Variants in IDO1 observed in about 807,000 individuals in gnomAD.
IDO1 encodes indoleamine 2,3-dioxygenase 1.
Under a neutral mutation model 38.8 loss-of-function variants are expected in IDO1, and 35 were observed. The ratio of observed to expected loss-of-function variants is 0.90; its 90% CI spans 0.69 to 1.20. The LOEUF (loss-of-function observed/expected upper bound fraction) is 1.20, where lower values mean the gene tolerates loss of function less well. Among genes scored for constraint, IDO1 ranks in the 50% most tolerant of loss-of-function variants. The probability of loss-of-function intolerance (pLI) is 0.00; values close to 1 mark genes in which losing one functional copy is unlikely to be tolerated. For missense variants in IDO1, 509 were observed against 485.1 expected (o/e 1.05, Z -0.46); for synonymous variants, 171 against 170.0 (o/e 1.01, Z -0.05).
intron 1 of IDO1, among the ~76,000 whole-genome samples, chr8:39,916,409 C>T (rs1807175910): frequency 6.6e-6 from 1 of 151,736 alleles, no homozygotes; most frequent in South Asian, 2.1e-4. Context: ...ACCTGGGAGG[C>T]GGAGGTTACA....
chr8:39,925,319 CGT>C lies in IDO1; in HGVS notation c.805_806del (p.Val269LeufsTer5), dbSNP rs768812233. On this transcript the variant is annotated frameshift_variant, in exon 9 of 10. Coordinates refer to ENST00000518237, the MANE Select transcript of IDO1 (RefSeq NM_002164.6). LOFTEE classifies it high-confidence loss of function. ...FAGGSAGQSS[V>X]FQCFDVLLGI... Reference sequence around the variant, plus strand: ...CAGGGGGCAGTGCAGGCCAAAGCAGCGTCTTTCAGTGCTTTGACGTCCTGCTG... The same window carrying C: ...CAGGGGGCAGTGCAGGCCAAAGCAGCCTTTCAGTGCTTTGACGTCCTGCTG... 6.2e-7 allele frequency: 1 copy of C among 1,613,074 alleles called. No individual in the cohort carries two copies. The highest frequency in any genetic ancestry group is 2.2e-5 in the East Asian group (1 of 44,872).
At chr8:39,914,738 C>A (rs1228771178) in intron 1 of IDO1, among the ~76,000 whole-genome samples, 1 of 151,894 alleles carries the variant, frequency 6.6e-6, no homozygotes, top group Non-Finnish European at 1.5e-5. Flanking sequence ...CATAGCCATC[C>A]CAAAAGTTAT....
In IDO1 at chr8:39,918,466, T is replaced by A. The variant is rs1807213573; in HGVS notation, c.303+259T>A. The A allele has an allele frequency of 6.1e-6, 3 of 493,458 alleles. No individual in the cohort carries two copies. In the Admixed American group the frequency reaches 1.1e-4, roughly 18 times the overall value. The allele number at this position is 493,458 out of a possible 1,614,324, so 30.6% of individuals were successfully genotyped here. On this transcript the variant is annotated intron_variant, in intron 3 of 9. Coordinates refer to ENST00000518237, the MANE Select transcript of IDO1 (RefSeq NM_002164.6). ...CATAAAACTAATACAGACTGCAATA[T>A]CTAACCTTTAAAACACACATGGGCC...
At chr8:39,926,822 C>T (rs900758618) in intron 9 of IDO1, among the ~76,000 whole-genome samples, 3 of 152,170 alleles carry the variant, frequency 2.0e-5, no homozygotes, top group African/African-American at 7.2e-5. Context: ...GGTAGTTTTT[C>T]AACCTTTGCT....
intron 9 of IDO1, among the ~76,000 whole-genome samples, chr8:39,926,103 C>T (rs909935742): frequency 4.6e-5 from 7 of 152,020 alleles, no homozygotes; most frequent in African/African-American, 1.2e-4. Flanking sequence ...AGGAGAATGG[C>T]GTGAACCCAG....
rs1267526115 is a variant in IDO1, at chr8:39,922,807, T to C, written c.537+156T>C. The C allele has an allele frequency of 9.5e-6, 6 of 633,076 alleles. No individual in the cohort carries two copies. In the African/African-American group the frequency reaches 1.1e-4, roughly 12 times the overall value. 39.2% of individuals were successfully genotyped at this position (633,076 alleles called of 1,614,324 possible). A position where few individuals can be genotyped will look rare whatever the true frequency, so the allele number is the denominator to read the frequency against. On this transcript the variant is annotated intron_variant, in intron 6 of 9. Transcript: ENST00000518237. ...GGGTAAAGGATCAATTATTTATTTTTGTGTATTACCTAAAATATAAAATCT... is the reference window on the plus strand; with the variant it reads ...GGGTAAAGGATCAATTATTTATTTTCGTGTATTACCTAAAATATAAAATCT...
In IDO1 at chr8:39,920,853, C is replaced by T. The variant is rs1386153630; in HGVS notation, c.437+739C>T. On this transcript the variant is annotated intron_variant, in intron 5 of 9. Transcript: ENST00000518237. ...CAAAAAAAAAAAAAAGATGGAAAAACTAAGGTAAATATCATCAGTATAAAC... is the reference window on the plus strand; with the variant it reads ...CAAAAAAAAAAAAAAGATGGAAAAATTAAGGTAAATATCATCAGTATAAAC... The T allele has an allele frequency of 4.6e-5, 7 of 150,628 alleles. No homozygotes were observed. The East Asian group carries it at 1.4e-3, about 29-fold the overall frequency. 9.3% of individuals were successfully genotyped at this position (150,628 alleles called of 1,614,324 possible). A position where few individuals can be genotyped will look rare whatever the true frequency, so the allele number is the denominator to read the frequency against.
chr8:39,927,720 G>A (rs2129592517), intron 9 of IDO1, 110 bp from the exon 10 acceptor site: 1 of 559,238 alleles, frequency 1.8e-6, no homozygotes, highest in South Asian at 3.8e-5. Flanking sequence ...CTTGACCTCA[G>A]TGAATGCTAT....
chr8:39,926,905 CA>C lies in IDO1; in HGVS notation c.857-923del, dbSNP rs544288942. ...TCCTATCTTTGTGTCCATGTGTACT[CA>C]ATATTTAACTCCCACTTATCGGTGA... On this transcript the variant is annotated intron_variant, in intron 9 of 9. Coordinates refer to ENST00000518237, the MANE Select transcript of IDO1 (RefSeq NM_002164.6). 2.3e-3 allele frequency among the ~76,000 whole-genome samples: 343 copies of C among 152,292 alleles called. 3 individuals carry two copies. The highest frequency in any genetic ancestry group is 7.7e-3 in the African/African-American group (321 of 41,560).
intron 1 of IDO1, among the ~76,000 whole-genome samples, chr8:39,915,174 A>G (rs1217945002): frequency 6.6e-6 from 1 of 152,224 alleles, no homozygotes; most frequent in African/African-American, 2.4e-5. Flanking sequence ...TATGAGCCTA[A>G]GCAGCCTGTC....
intron 9 of IDO1, among the ~76,000 whole-genome samples, chr8:39,925,612 G>A (rs375482871): frequency 1.6e-4 from 24 of 152,140 alleles, no homozygotes; most frequent in East Asian, 1.4e-3. Context: ...GGCCAGGTGC[G>A]GTGACTCAAG....
Position 39,918,116 on chromosome 8 carries a change from C to G in IDO1, c.212C>G (p.Thr71Arg), listed in dbSNP as rs1237179070. ...AACATGCTCAGCATTGATCATCTCA[C>G]AGACCACAAGTCACAGCGCCTTGCA... ...KLNMLSIDHLTDHKSQRLARL... is the reference protein window; with the variant it reads ...KLNMLSIDHLRDHKSQRLARL... The change falls in exon 3 of 10, where the codon ACA becomes AGA. Residue 71 changes from threonine to arginine, a missense_variant. Physicochemically the swap from Thr to Arg is moderately conservative, Grantham distance 71. Coordinates refer to ENST00000518237, the MANE Select transcript of IDO1 (RefSeq NM_002164.6). The G allele has an allele frequency of 6.2e-7, 1 of 1,614,002 alleles. No individual in the cohort carries two copies. Among genetic ancestry groups the G allele is most frequent in the Non-Finnish European group, 8.5e-7 (1 of 1,179,876 alleles).
intron 1 of IDO1, among the ~76,000 whole-genome samples, chr8:39,915,139 G>A (rs898397654): frequency 2.0e-5 from 3 of 152,162 alleles, no homozygotes; most frequent in Non-Finnish European, 4.4e-5. Flanking sequence ...ATCAAACTAT[G>A]TAGCTAGCAA....
Position 39,918,086 on chromosome 8 carries a change from A to G in IDO1, c.184-2A>G. The G allele has an allele frequency of 6.2e-7, 1 of 1,613,966 alleles. No homozygotes were observed. Among genetic ancestry groups the G allele is most frequent in the Non-Finnish European group, 8.5e-7 (1 of 1,179,848 alleles). ...TGAGTCAATTGCTCCATTTGTTTTC[A>G]GTTAAACATGCTCAGCATTGATCAT... On this transcript the variant is annotated splice_acceptor_variant, in intron 2 of 9. Transcript: ENST00000518237. LOFTEE classifies it high-confidence loss of function.
Position 39,919,115 on chromosome 8 carries a change from A to G in IDO1, c.422+182A>G, listed in dbSNP as rs904881739. The G allele has an allele frequency of 5.4e-6, 4 of 734,536 alleles. No individual in the cohort carries two copies. In the Admixed American group the frequency reaches 6.9e-5, roughly 13 times the overall value. The allele number at this position is 734,536 out of a possible 1,614,324, so 45.5% of individuals were successfully genotyped here. On this transcript the variant is annotated intron_variant, in intron 4 of 9. Coordinates refer to ENST00000518237, the MANE Select transcript of IDO1 (RefSeq NM_002164.6). ...TGTGTCTACCACTACAAATGTACAC[A>G]TATGTGACAGGTGTATAGTTAACAC... is the stretch of plus-strand genomic sequence containing the variant.
intron 7 of IDO1, 65 bp from the exon 8 acceptor site, chr8:39,924,656 C>A: frequency 8.5e-7 from 1 of 1,181,090 alleles, no homozygotes; most frequent in Non-Finnish European, 1.3e-6. Flanking sequence ...CAGTTGTACA[C>A]AACACCTTGA....
At position 39,927,973 on chromosome 8, in the gene IDO1, G is replaced by C. The variant is rs749974684; in HGVS notation, c.1000G>C (p.Ala334Pro). ...TGCTGGCCTGCGGGAAGCTTATGACGCCTGTGTGAAAGCTCTGGTCTCCCT... is the reference window on the plus strand; with the variant it reads ...TGCTGGCCTGCGGGAAGCTTATGACCCCTGTGTGAAAGCTCTGGTCTCCCT... ...GDAGLREAYD[A>P]CVKALVSLRS... The change falls in exon 10 of 10, where the codon GCC becomes CCC. Residue 334 changes from alanine (A) to proline (P), a missense_variant. Transcript: ENST00000518237. The C allele has an allele frequency of 3.1e-6, 5 of 1,604,730 alleles. No homozygotes were observed. Among genetic ancestry groups the C allele is most frequent in the Non-Finnish European group, 4.3e-6 (5 of 1,175,542 alleles).
At chr8:39,926,988 C>G (rs979353471) in intron 9 of IDO1, among the ~76,000 whole-genome samples, 1 of 152,186 alleles carries the variant, frequency 6.6e-6, no homozygotes, top group Non-Finnish European at 1.5e-5. Context: ...CTAACTTAAG[C>G]TAATGGCCTC....
intron 1 of IDO1, 70 bp downstream of exon 1, chr8:39,914,079 C>A: frequency 9.2e-7 from 1 of 1,086,060 alleles, no homozygotes; most frequent in African/African-American, 1.6e-5. Context: ...AAGTTAACTT[C>A]TACTGAACAA....
Sources: gnomAD v4.1 joint callset for allele counts (sites outside exome capture counted in the v4.1 genomes callset) on GRCh38, gnomAD v4.1.1 for gene constraint, MANE v1.5 for transcripts, NCBI Gene and HGNC (gene_info 2026-07-23, HGNC 2026-07-21) for gene names.